Variants in CD55 observed in about 807,000 individuals in gnomAD.
CD55 encodes CD55 molecule (Cromer blood group), also known as complement decay-accelerating factor.
In CD55, 41 loss-of-function variants were observed where a neutral mutation model predicts 45.8. That is an observed-to-expected ratio of 0.90 (90% CI 0.70 to 1.16). The LOEUF (loss-of-function observed/expected upper bound fraction) is 1.16, where lower values mean the gene tolerates loss of function less well. Among genes scored for constraint, CD55 ranks in the 50% most tolerant of loss-of-function variants. The pLI, the probability that CD55 is intolerant of heterozygous loss-of-function variation, is 0.00. For synonymous variants in CD55, 181 were observed against 181.1 expected, an observed-to-expected ratio of 1.00 and a Z score of 0.01; for missense variants, 416 against 469.8, an observed-to-expected ratio of 0.89 and a Z score of 1.06.
chr1:207,348,968 C>A (rs1277758110), intron 9 of CD55, among the ~76,000 whole-genome samples: 1 of 152,078 alleles, frequency 6.6e-6, no homozygotes, highest in East Asian at 1.9e-4. Flanking sequence ...TTACTGTAGC[C>A]TTGTAATATA....
intron 9 of CD55, among the ~76,000 whole-genome samples, chr1:207,356,764 C>T (rs1189354242): frequency 6.6e-6 from 1 of 152,164 alleles, no homozygotes; most frequent in Non-Finnish European, 1.5e-5. Flanking sequence ...AGCACACACA[C>T]ACATCAGTAT....
At chr1:207,355,485 A>G (rs1360214191) in intron 9 of CD55, among the ~76,000 whole-genome samples, 1 of 152,242 alleles carries the variant, frequency 6.6e-6, no homozygotes, top group East Asian at 1.9e-4. Context: ...GCTGTTGTTC[A>G]GCTCAAAATA....
At chr1:207,334,872 G>A (rs1655100095) in intron 6 of CD55, among the ~76,000 whole-genome samples, 1 of 150,066 alleles carries the variant, frequency 6.7e-6, no homozygotes, top group Non-Finnish European at 1.5e-5. Flanking sequence ...GACCAAGATT[G>A]TCAGACTTAA....
chr1:207,340,336 C>T, intron 9 of CD55: 1 of 444,832 alleles, frequency 2.2e-6, no homozygotes. Context: ...TCTATATATG[C>T]TAGATTTGTT....
intron 8 of CD55, among the ~76,000 whole-genome samples, chr1:207,339,072 T>C (rs1006379059): frequency 6.6e-6 from 1 of 152,204 alleles, no homozygotes; most frequent in African/African-American, 2.4e-5. Flanking sequence ...AATTATTTAC[T>C]GTTTAAGTTT....
At chr1:207,330,933 A>G (rs1654914661) in intron 5 of CD55, among the ~76,000 whole-genome samples, 175 bp from the exon 6 acceptor site, 1 of 152,216 alleles carries the variant, frequency 6.6e-6, no homozygotes, top group Admixed American at 6.5e-5. Flanking sequence ...CAAAGCTCCC[A>G]CATACTACCA....
intron 3 of CD55, 92 bp downstream of exon 3, chr1:207,324,842 A>G (rs1654600799): frequency 6.3e-6 from 4 of 638,654 alleles, no homozygotes; most frequent in African/African-American, 3.7e-5. Context: ...CTATGTGTAT[A>G]TATTATTATA....
At chr1:207,325,804 C>T in intron 4 of CD55, 83 bp downstream of exon 4, 1 of 745,724 alleles carries the variant, frequency 1.3e-6, no homozygotes, top group South Asian at 1.7e-5. Flanking sequence ...AGTTTCATGA[C>T]TGGTATTCAC....
At chr1:207,325,585 A>G in intron 3 of CD55, 37 bp from the exon 4 acceptor site, 1 of 1,352,602 alleles carries the variant, frequency 7.4e-7, no homozygotes, top group Non-Finnish European at 1.1e-6. Flanking sequence ...ATGCCTGATA[A>G]TTTAATTTTA....
At position 207,353,177 on chromosome 1, in the gene CD55, AAGAT is replaced by A. The variant is rs569940712; in HGVS notation, c.1082-6365_1082-6362del. Among the ~76,000 whole-genome samples, 3 of 151,638 alleles carry A rather than the reference AAGAT, an allele frequency of 2.0e-5. No homozygotes were observed. The South Asian group carries it at 6.3e-4, about 32-fold the overall frequency. Reference sequence around the variant, plus strand: ...CAAGTGATCTTCCCAGGTACTTTAAAAGATAGAAAGATGCTCATCCTAGTGACAG... The same window carrying A: ...CAAGTGATCTTCCCAGGTACTTTAAAAGAAAGATGCTCATCCTAGTGACAG... On this transcript the variant is annotated intron_variant, in intron 9 of 9. Coordinates refer to ENST00000367064, the MANE Select transcript of CD55 (RefSeq NM_000574.5).
rs1433720581 is a variant in CD55, at chr1:207,360,503, T to C, written c.*893T>C. 3 of 152,168 alleles carry C rather than the reference T, an allele frequency of 2.0e-5. No homozygotes were observed. In the East Asian group the frequency reaches 5.8e-4, roughly 29 times the overall value. The allele number at this position is 152,168 out of a possible 1,614,324, so 9.4% of individuals were successfully genotyped here. On this transcript the variant is annotated 3_prime_UTR_variant, in exon 10 of 10. Transcript: ENST00000367064. ...AAATAAATGATCCCATTTTTTGGTA[T>C]CATGTAGTATGTGAAATTTATTCTT...
chr1:207,336,161 G>C (rs1251570407), intron 6 of CD55, among the ~76,000 whole-genome samples: 1 of 152,154 alleles, frequency 6.6e-6, no homozygotes, highest in Non-Finnish European at 1.5e-5. Flanking sequence ...AGAGGAACTG[G>C]TGTATGGAAA....
At chr1:207,329,491 C>A (rs1414542142) in intron 5 of CD55, among the ~76,000 whole-genome samples, 3 of 152,190 alleles carry the variant, frequency 2.0e-5, no homozygotes, top group Non-Finnish European at 4.4e-5. Flanking sequence ...TTAAAAAGCC[C>A]AAATTCCTTA....
At chr1:207,358,941 C>T (rs76581630) in intron 9 of CD55, among the ~76,000 whole-genome samples, 2 of 152,164 alleles carry the variant, frequency 1.3e-5, no homozygotes, top group East Asian at 3.9e-4. Context: ...AAAGAGAATG[C>T]CTTCATTATG....
At chr1:207,322,982 A>T (rs375462805) in intron 2 of CD55, among the ~76,000 whole-genome samples, 1 of 152,146 alleles carries the variant, frequency 6.6e-6, no homozygotes, top group Admixed American at 6.5e-5. Flanking sequence ...AAAATCTGTT[A>T]TACTTGTACA....
Position 207,359,677 on chromosome 1 carries a change from T to G in CD55, c.*67T>G. 6.5e-7 allele frequency: 1 copy of G among 1,530,910 alleles called. No individual in the cohort carries two copies. The highest frequency in any genetic ancestry group is 8.7e-7 in the Non-Finnish European group (1 of 1,144,776). 94.8% of individuals were successfully genotyped at this position (1,530,910 alleles called of 1,614,324 possible). A position where few individuals can be genotyped will look rare whatever the true frequency, so the allele number is the denominator to read the frequency against. ...CTGTTCCTAGTTTCTTAGACTTATC[T>G]GCATATTGGATAAAATAAATGCAAT... On this transcript the variant is annotated 3_prime_UTR_variant, in exon 10 of 10. Transcript: ENST00000367064.
chr1:207,343,652 G>C (rs1193417757), intron 9 of CD55, among the ~76,000 whole-genome samples: 1 of 152,122 alleles, frequency 6.6e-6, no homozygotes, highest in Non-Finnish European at 1.5e-5. Context: ...TAGCTATTGG[G>C]TGAACTCTTC....
At chr1:207,339,557 A>G (rs1021577982) in intron 9 of CD55, 140 bp downstream of exon 9, 6 of 659,118 alleles carry the variant, frequency 9.1e-6, no homozygotes, top group Non-Finnish European at 7.7e-6. Flanking sequence ...TAGTATGGAA[A>G]ACTTTAAACG....
intron 9 of CD55, among the ~76,000 whole-genome samples, chr1:207,346,279 C>G (rs1162726671): frequency 1.3e-5 from 2 of 152,124 alleles, no homozygotes; most frequent in Non-Finnish European, 2.9e-5. Context: ...ACTTCAGACA[C>G]CAGGAAGAGT....
Sources: allele counts gnomAD v4.1 joint callset (sites outside exome capture counted in the v4.1 genomes callset), GRCh38; gene constraint gnomAD v4.1.1; transcripts MANE v1.5; gene names NCBI Gene and HGNC (gene_info 2026-07-23, HGNC 2026-07-21).